The following NEMP1 variants were observed in gnomAD, a reference collection of about 807,000 sequenced individuals.
The protein encoded by NEMP1 is transmembrane protein 194.
Under a neutral mutation model 53.7 loss-of-function variants are expected in NEMP1, and 29 were observed. The ratio of observed to expected loss-of-function variants is 0.54; its 90% CI spans 0.40 to 0.74. The LOEUF is 0.74. Among genes scored for constraint, NEMP1 ranks in the 30% least tolerant of loss-of-function variants. NEMP1 has a pLI of 0.00. For missense variants in NEMP1, 477 were observed against 528.6 expected (o/e 0.90, Z 0.96); for synonymous variants, 193 against 192.9 (o/e 1.00, Z 0.00).
rs1047570125 is a variant in NEMP1 at position 57,057,374 on chromosome 12, T to C, written c.*2505A>G. 6.6e-6 allele frequency: 1 copy of C among 152,254 alleles called. No homozygotes were observed. The highest frequency in any genetic ancestry group is 2.4e-5 in the African/African-American group (1 of 41,462). 9.4% of individuals were successfully genotyped at this position (152,254 alleles called of 1,614,324 possible). On this transcript the variant is annotated 3_prime_UTR_variant, in exon 9 of 9. Coordinates refer to ENST00000300128, the MANE Select transcript of NEMP1 (RefSeq NM_001130963.2). ...GACTGTACTGAAATCACAAGAGCTA[T>C]AACTGCCAGAGAAAAATTAAATGGG... is the stretch of plus-strand genomic sequence containing the variant.
At chr12:57,078,836 GC>G (rs1220608891), upstream of NEMP1, 42 of 1,443,560 alleles carry the variant, frequency 2.9e-5, no homozygotes, top group African/African-American at 5.7e-4. Context: ...TACGAAACCC[GC>G]CCCTATCAAC....
chr12:57,066,609 A>C (rs1363568884), intron 4 of NEMP1, among the ~76,000 whole-genome samples: 3 of 152,212 alleles, frequency 2.0e-5, no homozygotes, highest in Non-Finnish European at 4.4e-5. Flanking sequence ...GGGAGGCCCA[A>C]GAAGAAGGGA....
chr12:57,059,412 A>G lies in NEMP1; in HGVS notation c.*467T>C, dbSNP rs1259288605. 6.5e-6 allele frequency: 1 copy of G among 152,772 alleles called. No individual in the cohort carries two copies. The highest frequency in any genetic ancestry group is 1.9e-4 in the East Asian group (1 of 5,204). The allele number at this position is 152,772 out of a possible 1,614,324, so 9.5% of individuals were successfully genotyped here. ...AAACAGTTAAATCAATAATTATTCT[A>G]AAGTCACTGAAATAAAAGCTGGAGT... On this transcript the variant is annotated 3_prime_UTR_variant, in exon 9 of 9. Transcript: ENST00000300128.
chr12:57,070,399 T>A (rs2032288189), intron 3 of NEMP1, among the ~76,000 whole-genome samples: 1 of 152,214 alleles, frequency 6.6e-6, no homozygotes, highest in Admixed American at 6.5e-5. Flanking sequence ...TCAGGGACAT[T>A]AGCAGCACAA....
chr12:57,070,598 G>T, intron 3 of NEMP1, 76 bp downstream of exon 3: 1 of 1,275,164 alleles, frequency 7.8e-7, no homozygotes, highest in Non-Finnish European at 1.1e-6. Flanking sequence ...TGACTTCTCA[G>T]TCTCACTAAT....
chr12:57,067,555 C>T (rs867838185), intron 4 of NEMP1, among the ~76,000 whole-genome samples: 3 of 152,098 alleles, frequency 2.0e-5, no homozygotes, highest in South Asian at 2.1e-4. Flanking sequence ...AGGGTTGCCA[C>T]GAACCTTCAA....
chr12:57,072,971 T>G, intron 1 of NEMP1, 59 bp from the exon 2 acceptor site: 1 of 1,461,958 alleles, frequency 6.8e-7, no homozygotes, highest in South Asian at 1.4e-5. Context: ...TATAACTCAT[T>G]TCATGAAAAA....
chr12:57,085,004 T>C (rs1312798644), intron 1 of NEMP1, among the ~76,000 whole-genome samples: 1 of 152,176 alleles, frequency 6.6e-6, no homozygotes, highest in African/African-American at 2.4e-5. Flanking sequence ...TTTAATGTAA[T>C]GTACCTGTAC....
chr12:57,066,762 G>A (rs2032097938), intron 4 of NEMP1, among the ~76,000 whole-genome samples: 1 of 151,912 alleles, frequency 6.6e-6, no homozygotes. Flanking sequence ...GTTGTAGGAG[G>A]GAACTGGTGG....
exon 1 of NEMP1, chr12:57,088,063 A>C (rs1481424905): frequency 6.6e-6 from 1 of 152,274 alleles, no homozygotes; most frequent in Non-Finnish European, 1.5e-5. Context: ...GTCACGTCGT[A>C]GGCTCCCGAC....
At chr12:57,063,422 AT>A in intron 6 of NEMP1, 78 bp from the exon 7 acceptor site, 1 of 1,121,162 alleles carries the variant, frequency 8.9e-7, no homozygotes, top group Non-Finnish European at 1.3e-6. Flanking sequence ...GCAGTAGTTA[AT>A]TTACTATATA....
chr12:57,064,784 T>G (rs769908275), intron 4 of NEMP1, 45 bp from the exon 5 acceptor site: 1 of 1,423,966 alleles, frequency 7.0e-7, no homozygotes, highest in South Asian at 1.2e-5. Flanking sequence ...ATATATTTCA[T>G]ACATAGCACT....
chr12:57,077,940 G>A (rs759349384), intron 1 of NEMP1, among the ~76,000 whole-genome samples: 1 of 152,000 alleles, frequency 6.6e-6, no homozygotes, highest in Non-Finnish European at 1.5e-5. Flanking sequence ...AAATTAGCCG[G>A]GCGCGGTGGC....
At chr12:57,073,115 G>A (rs779699847) in intron 1 of NEMP1, among the ~76,000 whole-genome samples, 7 of 151,630 alleles carry the variant, frequency 4.6e-5, no homozygotes, top group Non-Finnish European at 8.8e-5. Context: ...ATATTACACA[G>A]TCATTCAGTC....
At chr12:57,072,984 T>C (rs1276794276) in intron 1 of NEMP1, 72 bp from the exon 2 acceptor site, 3 of 1,380,960 alleles carry the variant, frequency 2.2e-6, no homozygotes, top group East Asian at 4.9e-5. Flanking sequence ...ATGAAAAAGA[T>C]TAAACTAACC....
chr12:57,062,107 C>A (rs1349615916), intron 7 of NEMP1, among the ~76,000 whole-genome samples: 1 of 152,118 alleles, frequency 6.6e-6, no homozygotes, highest in East Asian at 1.9e-4. Flanking sequence ...ATTTATTATG[C>A]AAGGTGACAA....
chr12:57,059,737 C>T lies in NEMP1; in HGVS notation c.*142G>A, dbSNP rs1314781584. Reference sequence around the variant, plus strand: ...GAGACCTCCCATTTCCAAAGGGAGGCCTTTTTAGGCCTCTTATTTCAGTAG... The same window carrying T: ...GAGACCTCCCATTTCCAAAGGGAGGTCTTTTTAGGCCTCTTATTTCAGTAG... On this transcript the variant is annotated 3_prime_UTR_variant, in exon 9 of 9. Transcript: ENST00000300128. The T allele has an allele frequency of 1.4e-6, 1 of 700,008 alleles. No homozygotes were observed. Among genetic ancestry groups the T allele is most frequent in the African/African-American group, 1.8e-5 (1 of 55,674 alleles). 43.4% of individuals were successfully genotyped at this position (700,008 alleles called of 1,614,324 possible).
chr12:57,073,340 T>C, intron 1 of NEMP1, among the ~76,000 whole-genome samples: 1 of 151,672 alleles, frequency 6.6e-6, no homozygotes. Context: ...GTATTAAGTA[T>C]CTATTAAGAC....
chr12:57,088,309 C>G (rs1206298873), upstream of NEMP1, among the ~76,000 whole-genome samples: 1 of 152,198 alleles, frequency 6.6e-6, no homozygotes, highest in African/African-American at 2.4e-5. Flanking sequence ...CCCAAACTTT[C>G]CAGGCTAGCA....
Sources: gnomAD v4.1 joint callset for allele counts (sites outside exome capture counted in the v4.1 genomes callset) on GRCh38, gnomAD v4.1.1 for gene constraint, MANE v1.5 for transcripts, NCBI Gene and HGNC (gene_info 2026-07-23, HGNC 2026-07-21) for gene names.